The following TNIK variants were observed in gnomAD, a reference collection of about 807,000 sequenced individuals.
TNIK encodes TRAF2 and NCK-interacting protein kinase.
A neutral mutation model predicts 191.3 loss-of-function variants in TNIK; 49 were observed. That is an observed-to-expected ratio of 0.26 (90% CI 0.20 to 0.32). The LOEUF (loss-of-function observed/expected upper bound fraction) is 0.32. TNIK is among the 10% of genes least tolerant of loss of function. The probability of loss-of-function intolerance (pLI) is 1.00; values close to 1 mark genes in which losing one functional copy is unlikely to be tolerated. For synonymous variants in TNIK, 594 were observed against 600.9 expected (o/e 0.99, Z 0.17); for missense variants, 1,155 against 1,702.3 (o/e 0.68, Z 5.66).
Position 171,087,434 on chromosome 3 carries a change from G to T in TNIK, c.2794C>A (p.Leu932Met). 6.2e-7 allele frequency: 1 copy of T among 1,613,978 alleles called. No individual in the cohort carries two copies. Reference sequence around the variant, plus strand: ...GCTGGAGAATGGCTCTGCTGCACCAGGTCAGGGAGGTTGATGTGGCCAGCA... The same window carrying T: ...GCTGGAGAATGGCTCTGCTGCACCATGTCAGGGAGGTTGATGTGGCCAGCA... Reference protein sequence around the residue: ...GFAGHINLPDLVQQSHSPAGT... With the variant: ...GFAGHINLPDMVQQSHSPAGT... Residue 932 changes from leucine (L) to methionine (M), a missense_variant, in exon 24 of 33, where the codon CTG (leucine) becomes ATG (methionine). By Grantham distance (15) the Leu-to-Met change is conservative. Transcript: ENST00000436636.
chr3:171,403,688 T>C (rs967126342), intron 1 of TNIK, among the ~76,000 whole-genome samples: 9 of 147,976 alleles, frequency 6.1e-5, no homozygotes, highest in South Asian at 4.3e-4. Flanking sequence ...AAGGAAACAA[T>C]GGAAGCATAA....
intron 2 of TNIK, among the ~76,000 whole-genome samples, chr3:171,328,075 A>G (rs1039239341): frequency 2.4e-4 from 37 of 152,274 alleles, no homozygotes; most frequent in African/African-American, 7.9e-4. Flanking sequence ...CTTACATTGA[A>G]ATCCTAATTC....
At chr3:171,208,431 C>G (rs1740374040) in intron 4 of TNIK, among the ~76,000 whole-genome samples, 1 of 152,098 alleles carries the variant, frequency 6.6e-6, no homozygotes, top group South Asian at 2.1e-4. Flanking sequence ...ATTTTCAACA[C>G]AATTAGTATA....
At chr3:171,134,936 T>C (rs1019752641) in intron 15 of TNIK, among the ~76,000 whole-genome samples, 1 of 152,056 alleles carries the variant, frequency 6.6e-6, no homozygotes, top group African/African-American at 2.4e-5. Flanking sequence ...TGAGACGGCA[T>C]AGAGCTGAGT....
At chr3:171,426,965 G>A (rs913313979) in intron 1 of TNIK, among the ~76,000 whole-genome samples, 2 of 152,202 alleles carry the variant, frequency 1.3e-5, no homozygotes, top group South Asian at 2.1e-4. Flanking sequence ...GATCGTCCAA[G>A]ATAAGTGGAA....
chr3:171,373,027 A>G (rs961974431), intron 1 of TNIK, among the ~76,000 whole-genome samples: 3 of 152,120 alleles, frequency 2.0e-5, no homozygotes, highest in Non-Finnish European at 2.9e-5. Context: ...CTTTCCCCCA[A>G]TCCAAGCGCC....
Position 171,061,490 on chromosome 3 carries a change from A to T in TNIK, c.*2391T>A, listed in dbSNP as rs1717827924. On this transcript the variant is annotated 3_prime_UTR_variant, in exon 33 of 33. Transcript: ENST00000436636. ...TAGATTTTAAAAAATACATTCACAA[A>T]CTACCTTATGTTTAAACACAATGAT... 1 of 152,186 alleles carries T rather than the reference A, an allele frequency of 6.6e-6. No individual in the cohort carries two copies. The highest frequency in any genetic ancestry group is 1.5e-5 in the Non-Finnish European group (1 of 68,028). The allele number at this position is 152,186 out of a possible 1,614,324, so 9.4% of individuals were successfully genotyped here.
At chr3:171,337,348 G>A (rs1053581837) in intron 2 of TNIK, among the ~76,000 whole-genome samples, 13 of 152,194 alleles carry the variant, frequency 8.5e-5, no homozygotes, top group African/African-American at 7.2e-5. Context: ...CAAGAGGAAC[G>A]GAAAGCAGGT....
chr3:171,394,465 G>C (rs1400936648), intron 1 of TNIK, among the ~76,000 whole-genome samples: 1 of 151,938 alleles, frequency 6.6e-6, no homozygotes, highest in African/African-American at 2.4e-5. Context: ...TCTAATTTGG[G>C]GCTCTTGATC....
At chr3:171,254,674 G>A (rs531157467) in intron 2 of TNIK, among the ~76,000 whole-genome samples, 8 of 152,144 alleles carry the variant, frequency 5.3e-5, no homozygotes, top group Non-Finnish European at 1.0e-4. Context: ...ACAGATACAT[G>A]TGTCTATCCC....
At chr3:171,402,672 C>T (rs1425415173) in intron 1 of TNIK, among the ~76,000 whole-genome samples, 1 of 152,182 alleles carries the variant, frequency 6.6e-6, no homozygotes, top group Non-Finnish European at 1.5e-5. Flanking sequence ...AAAAAACATC[C>T]TTAACTTCTG....
At chr3:171,283,512 C>T (rs1325829716) in intron 2 of TNIK, among the ~76,000 whole-genome samples, 1 of 152,144 alleles carries the variant, frequency 6.6e-6, no homozygotes, top group Non-Finnish European at 1.5e-5. Flanking sequence ...CAGAGGAGTT[C>T]GGTCTTGCTG....
intron 12 of TNIK, 34 bp downstream of exon 12, chr3:171,157,426 C>A: frequency 6.5e-7 from 1 of 1,548,884 alleles, no homozygotes; most frequent in Non-Finnish European, 8.7e-7. Flanking sequence ...AACTGAGAGG[C>A]TTGGGGTCAG....
In TNIK at chr3:171,108,161, G is replaced by C. The variant is rs201851615; in HGVS notation, c.2286C>G (p.Ala762=). ...AGSSERTRVR[A]NSKSEGSPVL... is the part of the protein sequence containing the mutation. ...CAGGTGATCCTTCTGACTTACTGTTGGCTAGAGGAAAAAAACAGAGGACCA... is the reference window on the plus strand; with the variant it reads ...CAGGTGATCCTTCTGACTTACTGTTCGCTAGAGGAAAAAAACAGAGGACCA... The change falls in exon 20 of 33, where the codon GCC becomes GCG. Residue 762 remains alanine, a splice_region_variant and synonymous_variant. Coordinates refer to ENST00000436636, the MANE Select transcript of TNIK (RefSeq NM_015028.4). The C allele has an allele frequency of 6.5e-7, 1 of 1,538,740 alleles. No homozygotes were observed. Among genetic ancestry groups the C allele is most frequent in the African/African-American group, 1.4e-5 (1 of 72,216 alleles).
chr3:171,293,399 G>GAT (rs1445486091), intron 2 of TNIK, among the ~76,000 whole-genome samples: 2 of 152,204 alleles, frequency 1.3e-5, no homozygotes, highest in Non-Finnish European at 2.9e-5. Flanking sequence ...CCAAGGGTAG[G>GAT]ATGTGCACCA....
At chr3:171,091,464 C>T (rs74695236) in intron 23 of TNIK, among the ~76,000 whole-genome samples, 4,593 of 152,172 alleles carry the variant, frequency 0.03, 115 homozygotes, top group Non-Finnish European at 0.04. Context: ...GTCTCTCGGC[C>T]GGGCGTGGTA....
chr3:171,294,886 AC>A (rs1189592017), intron 2 of TNIK, among the ~76,000 whole-genome samples: 2 of 152,148 alleles, frequency 1.3e-5, no homozygotes, highest in African/African-American at 4.8e-5. Flanking sequence ...CAATAACGCT[AC>A]TTGGGTGTTT....
chr3:171,246,945 G>C (rs893710303), intron 2 of TNIK, among the ~76,000 whole-genome samples: 5 of 152,204 alleles, frequency 3.3e-5, no homozygotes, highest in African/African-American at 1.2e-4. Flanking sequence ...GAATAAGACT[G>C]GGGGGAAGAC....
intron 1 of TNIK, among the ~76,000 whole-genome samples, chr3:171,382,059 G>A (rs879420156): frequency 6.6e-5 from 10 of 152,080 alleles, no homozygotes; most frequent in Non-Finnish European, 1.5e-4. Flanking sequence ...TGAGTTTTCT[G>A]TTTGAAGCAG....
Sources: gnomAD v4.1 joint callset for allele counts (sites outside exome capture counted in the v4.1 genomes callset) on GRCh38, gnomAD v4.1.1 for gene constraint, MANE v1.5 for transcripts, NCBI Gene and HGNC (gene_info 2026-07-23, HGNC 2026-07-21) for gene names.